MARK1: variants seen among roughly 807,000 people sequenced by gnomAD.
MARK1 encodes the protein microtubule affinity regulating kinase 1, also known as serine/threonine-protein kinase MARK1.
Under a neutral mutation model 96.3 loss-of-function variants are expected in MARK1, and 40 were observed. The ratio of observed to expected loss-of-function variants is 0.42; its 90% CI spans 0.32 to 0.54. The LOEUF is 0.54. Ranked by LOEUF, MARK1 falls within the 20% of genes least tolerant of loss-of-function variation. The probability of loss-of-function intolerance (pLI) is 0.16; values close to 1 mark genes in which losing one functional copy is unlikely to be tolerated. For missense variants in MARK1, 719 were observed against 984.6 expected (o/e 0.73, Z 3.61); for synonymous variants, 317 against 341.2 (o/e 0.93, Z 0.78).
intron 1 of MARK1, among the ~76,000 whole-genome samples, chr1:220,568,403 C>G (rs939109528): frequency 6.6e-6 from 1 of 152,032 alleles, no homozygotes; most frequent in Admixed American, 6.6e-5. Context: ...TATGAGTGTG[C>G]CAGACATTCC....
chr1:220,631,753 A>C (rs1250664384), intron 10 of MARK1, among the ~76,000 whole-genome samples: 1 of 152,172 alleles, frequency 6.6e-6, no homozygotes, highest in Non-Finnish European at 1.5e-5. Flanking sequence ...CTGATCAGAA[A>C]AACCATGGAA....
At chr1:220,588,076 G>A (rs1041675438) in intron 3 of MARK1, among the ~76,000 whole-genome samples, 24 of 152,090 alleles carry the variant, frequency 1.6e-4, no homozygotes, top group African/African-American at 5.8e-4. Context: ...TAAAATTTTT[G>A]CCAACCTTAT....
In MARK1 at chr1:220,662,218, G is replaced by A; in HGVS notation, c.*52G>A. The A allele has an allele frequency of 7.4e-7, 1 of 1,357,638 alleles. No individual in the cohort carries two copies. The highest frequency in any genetic ancestry group is 1.3e-5 in the South Asian group (1 of 77,598). The allele number at this position is 1,357,638 out of a possible 1,614,324, so 84.1% of individuals were successfully genotyped here. ...AAGATACATACATATATGAGGTACA[G>A]TTTTTGAATGTACTGGTAATGCCTA... is the stretch of plus-strand genomic sequence containing the variant. On this transcript the variant is annotated 3_prime_UTR_variant, in exon 18 of 18. Transcript: ENST00000366917.
intron 13 of MARK1, among the ~76,000 whole-genome samples, chr1:220,638,254 A>G (rs1668082140): frequency 6.6e-6 from 1 of 152,052 alleles, no homozygotes; most frequent in African/African-American, 2.4e-5. Flanking sequence ...ATTTGACTGA[A>G]CTGAGTCTTA....
At chr1:220,602,420 C>G (rs1001999097) in intron 5 of MARK1, among the ~76,000 whole-genome samples, 1 of 152,134 alleles carries the variant, frequency 6.6e-6, no homozygotes, top group Non-Finnish European at 1.5e-5. Flanking sequence ...AGTCCCTACC[C>G]TCAAGACACT....
intron 13 of MARK1, among the ~76,000 whole-genome samples, chr1:220,637,693 A>G (rs192701874): frequency 2.6e-5 from 4 of 152,130 alleles, no homozygotes; most frequent in Non-Finnish European, 4.4e-5. Flanking sequence ...AACCAAAAAA[A>G]AGAAAGAAAG....
intron 13 of MARK1, among the ~76,000 whole-genome samples, chr1:220,637,391 G>A (rs931437675): frequency 9.9e-5 from 15 of 152,252 alleles, no homozygotes; most frequent in African/African-American, 3.4e-4. Flanking sequence ...ATCATTAGCA[G>A]TTAAGAGAGC....
At chr1:220,538,788 C>G (rs1660906260) in intron 1 of MARK1, among the ~76,000 whole-genome samples, 1 of 152,038 alleles carries the variant, frequency 6.6e-6, no homozygotes, top group African/African-American at 2.4e-5. Context: ...CTTCACGTCC[C>G]TTGTAAGTTG....
chr1:220,609,379 C>T (rs1167562264), intron 6 of MARK1, among the ~76,000 whole-genome samples: 1 of 152,088 alleles, frequency 6.6e-6, no homozygotes, highest in East Asian at 1.9e-4. Flanking sequence ...ATTGCAACCC[C>T]TGCTTTTTTT....
In MARK1 at chr1:220,635,282, T is replaced by C. The variant is rs1194083543; in HGVS notation, c.1123-94T>C. The stretch of plus-strand genomic sequence containing the variant: ...CAGTTTGGATTACTTCTTGTATAGC[T>C]TTAAGTCATTTAGAAAATCAAGAGT... On this transcript the variant is annotated intron_variant, in intron 11 of 17. Coordinates refer to ENST00000366917, the MANE Select transcript of MARK1 (RefSeq NM_018650.5). 5 of 1,223,362 alleles carry C rather than the reference T, an allele frequency of 4.1e-6. No homozygotes were observed. In the African/African-American group the frequency reaches 7.6e-5, roughly 19 times the overall value. The allele number at this position is 1,223,362 out of a possible 1,614,324, so 75.8% of individuals were successfully genotyped here.
At chr1:220,620,744 A>C (rs1667011151) in intron 9 of MARK1, among the ~76,000 whole-genome samples, 1 of 152,152 alleles carries the variant, frequency 6.6e-6, no homozygotes, top group South Asian at 2.1e-4. Context: ...ATTTCAGTAT[A>C]GTCTGCAACT....
rs1668827048 is a variant in MARK1, at chr1:220,650,737, C to G, written c.1571+17C>G. ...AGACAGCAGGTAAATGCCACAGTGC[C>G]AAGTAGTAATACCTTTGCTGTTGTT... is the stretch of plus-strand genomic sequence containing the variant. On this transcript the variant is annotated intron_variant, in intron 14 of 17. Transcript: ENST00000366917. 1 of 1,554,796 alleles carries G rather than the reference C, an allele frequency of 6.4e-7. No individual in the cohort carries two copies. Among genetic ancestry groups the G allele is most frequent in the African/African-American group, 1.4e-5 (1 of 73,684 alleles).
intron 1 of MARK1, among the ~76,000 whole-genome samples, chr1:220,560,706 C>G (rs1030576714): frequency 2.0e-5 from 3 of 152,200 alleles, no homozygotes; most frequent in Non-Finnish European, 4.4e-5. Context: ...AAGACCTCAT[C>G]ATACTATTCA....
At chr1:220,558,097 C>A (rs573765808) in intron 1 of MARK1, among the ~76,000 whole-genome samples, 2 of 150,528 alleles carry the variant, frequency 1.3e-5, no homozygotes, top group African/African-American at 4.9e-5. Flanking sequence ...CACATCAACA[C>A]ACTCCAGCCT....
intron 1 of MARK1, among the ~76,000 whole-genome samples, chr1:220,572,463 G>A (rs543295116): frequency 6.6e-6 from 1 of 152,210 alleles, no homozygotes; most frequent in South Asian, 2.1e-4. Context: ...GGCTGGTCTT[G>A]AACTCCCGAC....
In MARK1 at chr1:220,528,625, A is replaced by C; in HGVS notation, c.-198A>C. On this transcript the variant is annotated 5_prime_UTR_variant, in exon 1 of 18. Coordinates refer to ENST00000366917, the MANE Select transcript of MARK1 (RefSeq NM_018650.5). Reference sequence around the variant, plus strand: ...ATACCCCGGCGGCGCCGCCGCGGGAAGCGGCTCCCCCTCCTCTTCCTCCGC... The same window carrying C: ...ATACCCCGGCGGCGCCGCCGCGGGACGCGGCTCCCCCTCCTCTTCCTCCGC... 17 of 481,294 alleles carry C rather than the reference A, an allele frequency of 3.5e-5. No homozygotes were observed. Among genetic ancestry groups the C allele is most frequent in the Non-Finnish European group, 4.8e-5 (13 of 271,912 alleles). The allele number at this position is 481,294 out of a possible 1,614,324, so 29.8% of individuals were successfully genotyped here. A position where few individuals can be genotyped will look rare whatever the true frequency, so the allele number is the denominator to read the frequency against.
intron 3 of MARK1, among the ~76,000 whole-genome samples, chr1:220,583,896 G>C (rs1664420826): frequency 7.1e-6 from 1 of 140,976 alleles, no homozygotes; most frequent in Non-Finnish European, 1.5e-5. Context: ...TCGATCTCCT[G>C]ACCTCGTGAT....
At chr1:220,542,459 C>G (rs1661208480) in intron 1 of MARK1, among the ~76,000 whole-genome samples, 1 of 152,110 alleles carries the variant, frequency 6.6e-6, no homozygotes, top group African/African-American at 2.4e-5. Context: ...TGGTGAACTC[C>G]TCTTTGCCTG....
chr1:220,560,631 A>T (rs115653590), intron 1 of MARK1, among the ~76,000 whole-genome samples: 3 of 152,320 alleles, frequency 2.0e-5, no homozygotes, highest in Non-Finnish European at 2.9e-5. Flanking sequence ...TGGAAAGCCT[A>T]TACAGCATGT....
Sources: allele counts gnomAD v4.1 joint callset (sites outside exome capture counted in the v4.1 genomes callset), GRCh38; gene constraint gnomAD v4.1.1; transcripts MANE v1.5; gene names NCBI Gene and HGNC (gene_info 2026-07-23, HGNC 2026-07-21).